The following MARCHF3 variants were observed in gnomAD, a reference collection of about 807,000 sequenced individuals.
MARCHF3 encodes membrane associated ring-CH-type finger 3, also known as E3 ubiquitin-protein ligase MARCHF3.
Under a neutral mutation model 24.2 loss-of-function variants are expected in MARCHF3, and 13 were observed. That is an observed-to-expected ratio of 0.54 (90% confidence interval 0.35 to 0.85). MARCHF3 has a LOEUF of 0.85. MARCHF3 is among the 40% of genes least tolerant of loss of function. MARCHF3 has a pLI of 0.01. For missense variants in MARCHF3, 276 were observed against 325.0 expected (o/e 0.85, Z 1.16); for synonymous variants, 144 against 137.3 (o/e 1.05, Z -0.34).
chr5:127,000,598 T>G (rs781656613), intron 1 of MARCHF3, among the ~76,000 whole-genome samples: 3 of 152,218 alleles, frequency 2.0e-5, no homozygotes, highest in Non-Finnish European at 4.4e-5. Context: ...CATCCAGCTT[T>G]ACATTACCAA....
intron 4 of MARCHF3, among the ~76,000 whole-genome samples, chr5:126,873,204 C>T (rs1043526841): frequency 6.6e-5 from 10 of 152,070 alleles, no homozygotes; most frequent in Non-Finnish European, 1.2e-4. Context: ...TTAGTGGTTA[C>T]GTGACTTGGG....
chr5:126,885,507 C>T (rs1048915544), intron 3 of MARCHF3, among the ~76,000 whole-genome samples: 7 of 151,192 alleles, frequency 4.6e-5, no homozygotes, highest in African/African-American at 1.7e-4. Flanking sequence ...GCGGAGGTTG[C>T]AGTGAGCTGA....
At chr5:126,947,871 G>T (rs531615767) in intron 1 of MARCHF3, among the ~76,000 whole-genome samples, 1 of 151,560 alleles carries the variant, frequency 6.6e-6, no homozygotes, top group African/African-American at 2.4e-5. Context: ...TGCCTCCCAC[G>T]TGGGTTTGGG....
In MARCHF3 at chr5:126,878,408, GGA is replaced by G; in HGVS notation, c.394-16_394-15del. On this transcript the variant is annotated splice_polypyrimidine_tract_variant and intron_variant, in intron 3 of 4. Transcript: ENST00000308660. ...GTTTCTCAGCCACTGCCAGGTAAAG[GGA>G]GACAGAGAAGAGCAAGGGAGAGGGT... The G allele has an allele frequency of 6.2e-7, 1 of 1,605,472 alleles. No individual in the cohort carries two copies. The highest frequency in any genetic ancestry group is 8.5e-7 in the Non-Finnish European group (1 of 1,175,714).
chr5:126,966,905 C>CTTTTTTTTTTTTTTGTTTTTTTT (rs1750831936), intron 1 of MARCHF3, among the ~76,000 whole-genome samples: 1 of 4,486 alleles, frequency 2.2e-4, no homozygotes, highest in Admixed American at 3.7e-3. Flanking sequence ...CTGTGAGAGC[C>CTTTTTTTTTTTTTTGTTTTTTTT]TTTTTTTTTT....
chr5:127,018,099 G>A (rs773974252), intron 1 of MARCHF3, among the ~76,000 whole-genome samples: 19 of 152,186 alleles, frequency 1.2e-4, no homozygotes, highest in African/African-American at 1.7e-4. Context: ...AGCCACGTGC[G>A]GCAGCTCATG....
chr5:126,967,532 A>C (rs578141767), intron 1 of MARCHF3, among the ~76,000 whole-genome samples: 3 of 152,118 alleles, frequency 2.0e-5, no homozygotes, highest in Non-Finnish European at 4.4e-5. Context: ...ATCTCTACTA[A>C]AAATACAAAA....
chr5:126,946,845 C>T (rs1376681399), intron 1 of MARCHF3, among the ~76,000 whole-genome samples: 4 of 149,598 alleles, frequency 2.7e-5, no homozygotes, highest in African/African-American at 7.4e-5. Context: ...CCTCTAACAC[C>T]GCTGTTTTTA....
intron 3 of MARCHF3, among the ~76,000 whole-genome samples, chr5:126,894,345 G>T (rs1425542995): frequency 6.6e-6 from 1 of 150,648 alleles, no homozygotes; most frequent in Non-Finnish European, 1.5e-5. Flanking sequence ...GATGTTAGCT[G>T]GTTATTTTGC....
At chr5:126,886,009 AT>A (rs1042790623) in intron 3 of MARCHF3, among the ~76,000 whole-genome samples, 26 of 146,394 alleles carry the variant, frequency 1.8e-4, no homozygotes, top group East Asian at 4.0e-4. Flanking sequence ...TATATATATA[AT>A]TTTTTTTTTC....
intron 1 of MARCHF3, among the ~76,000 whole-genome samples, chr5:126,951,298 C>T (rs1750223181): frequency 6.6e-6 from 1 of 152,184 alleles, no homozygotes; most frequent in Non-Finnish European, 1.5e-5. Flanking sequence ...CCCCAGGGTT[C>T]AGTCCATAGT....
chr5:126,917,880 G>T, intron 2 of MARCHF3, 104 bp downstream of exon 2: 5 of 1,155,040 alleles, frequency 4.3e-6, no homozygotes, highest in Non-Finnish European at 6.0e-6. Flanking sequence ...CCTCTCACCT[G>T]ACACAAAGAC....
chr5:126,942,590 T>C (rs541302938), intron 1 of MARCHF3, among the ~76,000 whole-genome samples: 5 of 152,076 alleles, frequency 3.3e-5, no homozygotes, highest in Non-Finnish European at 7.4e-5. Context: ...CCAGACACAA[T>C]AAGATAACAG....
At chr5:126,982,555 C>T (rs1751426293) in intron 1 of MARCHF3, among the ~76,000 whole-genome samples, 1 of 152,116 alleles carries the variant, frequency 6.6e-6, no homozygotes, top group African/African-American at 2.4e-5. Flanking sequence ...TTTTCAGAGT[C>T]CCAGATGACC....
chr5:126,999,300 TG>T (rs1435174907), intron 1 of MARCHF3, among the ~76,000 whole-genome samples: 1 of 152,226 alleles, frequency 6.6e-6, no homozygotes, highest in Admixed American at 6.5e-5. Flanking sequence ...AATACCCATT[TG>T]TATGGCAATT....
chr5:126,971,405 C>T (rs547272445), intron 1 of MARCHF3, among the ~76,000 whole-genome samples: 38 of 145,832 alleles, frequency 2.6e-4, no homozygotes, highest in African/African-American at 8.6e-4. Flanking sequence ...GCCGAGGTCG[C>T]GCCACTGCAC....
intron 1 of MARCHF3, among the ~76,000 whole-genome samples, chr5:126,999,464 T>C (rs1272079673): frequency 6.6e-6 from 1 of 152,188 alleles, no homozygotes; most frequent in African/African-American, 2.4e-5. Flanking sequence ...CTAGACTTCA[T>C]CATTGTTCTC....
intron 3 of MARCHF3, among the ~76,000 whole-genome samples, chr5:126,913,038 A>G (rs570571686): frequency 5.9e-5 from 9 of 152,328 alleles, no homozygotes; most frequent in Admixed American, 1.3e-4. Context: ...TCCAGGAATG[A>G]GTCTGTGACC....
intron 4 of MARCHF3, among the ~76,000 whole-genome samples, chr5:126,876,131 T>A (rs1325535627): frequency 6.6e-6 from 1 of 152,180 alleles, no homozygotes; most frequent in African/African-American, 2.4e-5. Context: ...CGAGGTCACA[T>A]CCATTTTTTC....
Sources: gnomAD v4.1 joint callset for allele counts (sites outside exome capture counted in the v4.1 genomes callset) on GRCh38, gnomAD v4.1.1 for gene constraint, MANE v1.5 for transcripts, NCBI Gene and HGNC (gene_info 2026-07-23, HGNC 2026-07-21) for gene names.